STRN: variants seen among roughly 807,000 people sequenced by gnomAD.
The protein encoded by STRN is striatin, also known as protein phosphatase 2 regulatory subunit B'''alpha.
A neutral mutation model predicts 96.3 loss-of-function variants in STRN; 53 were observed. The ratio of observed to expected loss-of-function variants is 0.55; its 90% CI spans 0.44 to 0.69. The LOEUF (loss-of-function observed/expected upper bound fraction) is 0.69, where lower values mean the gene tolerates loss of function less well. STRN is among the 30% of genes least tolerant of loss of function. The probability of loss-of-function intolerance (pLI) is 0.00; values close to 1 mark genes in which losing one functional copy is unlikely to be tolerated. For synonymous variants in STRN, 428 were observed against 355.9 expected (o/e 1.20, Z -2.28); for missense variants, 987 against 963.9 (o/e 1.02, Z -0.32).
intron 12 of STRN, among the ~76,000 whole-genome samples, chr2:36,862,298 G>C (rs74720054): frequency 0.046 from 7,040 of 152,210 alleles, 263 homozygotes; most frequent in East Asian, 0.13. Context: ...TTGACTGGTA[G>C]TTCAAACTTC....
At chr2:36,916,192 G>C (rs982406807) in intron 2 of STRN, 41 bp from the exon 3 acceptor site, 2 of 1,530,956 alleles carry the variant, frequency 1.3e-6, no homozygotes, top group Admixed American at 1.7e-5. Context: ...CTTAAAATAT[G>C]TTTAAATTAA....
chr2:36,929,237 T>C (rs2148237023), intron 1 of STRN, among the ~76,000 whole-genome samples: 1 of 152,332 alleles, frequency 6.6e-6, no homozygotes, highest in Non-Finnish European at 1.5e-5. Context: ...AAATTTATTT[T>C]TGTATTATTT....
chr2:36,849,657 T>C (rs765510073), intron 17 of STRN, 32 bp from the exon 18 acceptor site: 2 of 1,611,840 alleles, frequency 1.2e-6, no homozygotes, highest in South Asian at 2.2e-5. Flanking sequence ...AAAGGAAAAA[T>C]TACATTAACA....
chr2:36,872,405 A>C (rs1023427676), intron 10 of STRN, among the ~76,000 whole-genome samples: 1 of 152,222 alleles, frequency 6.6e-6, no homozygotes, highest in Non-Finnish European at 1.5e-5. Flanking sequence ...CTACAAGTCA[A>C]GTCTTCAGGT....
intron 1 of STRN, among the ~76,000 whole-genome samples, chr2:36,941,294 G>A (rs564472672): frequency 6.6e-6 from 1 of 152,216 alleles, no homozygotes; most frequent in African/African-American, 2.4e-5. Flanking sequence ...CTGCAAAAGG[G>A]GACTATAAAG....
intron 1 of STRN, among the ~76,000 whole-genome samples, chr2:36,927,451 G>C (rs545174734): frequency 6.8e-6 from 1 of 147,280 alleles, no homozygotes; most frequent in East Asian, 2.1e-4. Flanking sequence ...CAAGGCTGCA[G>C]TGAGCAGTGA....
chr2:36,894,354 T>C (rs1669484682), intron 6 of STRN, among the ~76,000 whole-genome samples: 1 of 152,228 alleles, frequency 6.6e-6, no homozygotes, highest in African/African-American at 2.4e-5. Flanking sequence ...TAACCTTGCA[T>C]CAGTTTTCTC....
intron 9 of STRN, among the ~76,000 whole-genome samples, chr2:36,881,146 A>G (rs1669059611): frequency 1.0e-5 from 1 of 99,840 alleles, no homozygotes; most frequent in African/African-American, 3.8e-5. Flanking sequence ...TTTTTTTTTT[A>G]AGACAGAATC....
At position 36,845,818 on chromosome 2, in the gene STRN, T is replaced by G. The variant is rs1482748541; in HGVS notation, c.*3638A>C. On this transcript the variant is annotated 3_prime_UTR_variant, in exon 18 of 18. Transcript: ENST00000263918. ...GCGCATGAAATGTCCCCTGAAGTCC[T>G]AGAAGTTGAGCAGATACATTAAAAA... 1 of 151,520 alleles carries G rather than the reference T, an allele frequency of 6.6e-6. No homozygotes were observed. The highest frequency in any genetic ancestry group is 1.5e-5 in the Non-Finnish European group (1 of 67,926). The allele number at this position is 151,520 out of a possible 1,614,324, so 9.4% of individuals were successfully genotyped here.
At chr2:36,867,524 T>C (rs947884883) in intron 12 of STRN, 1 of 221,544 alleles carries the variant, frequency 4.5e-6, no homozygotes, top group African/African-American at 2.3e-5. Context: ...CCAAATTATA[T>C]GAGGAAAAAA....
intron 15 of STRN, among the ~76,000 whole-genome samples, 184 bp downstream of exon 15, chr2:36,855,028 G>A (rs896618991): frequency 6.6e-6 from 1 of 152,082 alleles, no homozygotes; most frequent in Non-Finnish European, 1.5e-5. Flanking sequence ...AGTTATAAAT[G>A]TACATAAACT....
chr2:36,863,806 T>C (rs1023351160), intron 12 of STRN, among the ~76,000 whole-genome samples: 2 of 152,230 alleles, frequency 1.3e-5, no homozygotes, highest in African/African-American at 4.8e-5. Flanking sequence ...TGTTTTTCCA[T>C]TTCTTTGTGT....
intron 9 of STRN, among the ~76,000 whole-genome samples, chr2:36,883,336 A>C (rs551374982): frequency 6.6e-6 from 1 of 152,296 alleles, no homozygotes; most frequent in Admixed American, 6.5e-5. Context: ...AGGTGCCTGT[A>C]ATCTCAGCTA....
chr2:36,880,414 T>G (rs1669038805), intron 9 of STRN, among the ~76,000 whole-genome samples: 1 of 152,160 alleles, frequency 6.6e-6, no homozygotes, highest in South Asian at 2.1e-4. Flanking sequence ...CACTCCAACC[T>G]AGGCAACAGA....
At chr2:36,923,187 C>G (rs868592326) in intron 2 of STRN, among the ~76,000 whole-genome samples, 2 of 149,378 alleles carry the variant, frequency 1.3e-5, no homozygotes, top group Admixed American at 6.7e-5. Context: ...CATTCGCTCA[C>G]GCCTGTAATC....
intron 10 of STRN, 34 bp from the exon 11 acceptor site, chr2:36,869,763 C>G (rs375302466): frequency 3.2e-5 from 48 of 1,510,006 alleles, no homozygotes; most frequent in Admixed American, 4.2e-5. Flanking sequence ...TATCTACACA[C>G]TTAGTTAAGG....
At position 36,902,606 on chromosome 2, in the gene STRN, C is replaced by T. The variant is rs1399757086; in HGVS notation, c.637G>A (p.Val213Ile). Residue 213 changes from valine to isoleucine, a missense_variant, in exon 5 of 18, where the codon GTT becomes ATT. Coordinates refer to ENST00000263918, the MANE Select transcript of STRN (RefSeq NM_003162.4). Reference protein sequence around the residue: ...DSVVNGTEAEVKETAMIAKSE... With the variant: ...DSVVNGTEAEIKETAMIAKSE... Reference sequence around the variant, plus strand: ...TACGCAATCATTGCTGTCTCTTTAACTTCAGCCTCTGTGCCATTTACAACT... The same window carrying T: ...TACGCAATCATTGCTGTCTCTTTAATTTCAGCCTCTGTGCCATTTACAACT... 6.2e-7 allele frequency: 1 copy of T among 1,608,276 alleles called. No individual in the cohort carries two copies. Among genetic ancestry groups the T allele is most frequent in the African/African-American group, 1.3e-5 (1 of 74,848 alleles).
rs559922136 is a variant in STRN, at chr2:36,965,911, G to A, written c.234+319C>T. ...CTCAAAACTACTGCCAGCCCAATTA[G>A]TAAACCGAGAGGGCAGCCCTGAGAT... On this transcript the variant is annotated intron_variant, in intron 1 of 17. Coordinates refer to ENST00000263918, the MANE Select transcript of STRN (RefSeq NM_003162.4). 1.9e-3 allele frequency among the ~76,000 whole-genome samples: 287 copies of A among 152,302 alleles called. 1 individual carries two copies. The highest frequency in any genetic ancestry group is 2.3e-3 in the South Asian group (11 of 4,830).
intron 10 of STRN, among the ~76,000 whole-genome samples, chr2:36,877,225 G>A (rs897767222): frequency 3.9e-5 from 6 of 152,132 alleles, no homozygotes; most frequent in Non-Finnish European, 5.9e-5. Context: ...ATATTGACTA[G>A]TGTACTAAAG....
Sources: allele counts gnomAD v4.1 joint callset (sites outside exome capture counted in the v4.1 genomes callset), GRCh38; gene constraint gnomAD v4.1.1; transcripts MANE v1.5; gene names NCBI Gene and HGNC (gene_info 2026-07-23, HGNC 2026-07-21).